DCK: variants seen among roughly 807,000 people sequenced by gnomAD.
DCK encodes the protein deoxyadenosine kinase.
In DCK, 23 loss-of-function variants were observed where a neutral mutation model predicts 38.3. The ratio of observed to expected loss-of-function variants is 0.60; its 90% CI spans 0.43 to 0.85. DCK has a LOEUF of 0.85. Among genes scored for constraint, DCK ranks in the 40% least tolerant of loss-of-function variants. The pLI, the probability that DCK is intolerant of heterozygous loss-of-function variation, is 0.00. For missense variants in DCK, 259 were observed against 304.4 expected, an observed-to-expected ratio of 0.85 and a Z score of 1.11; for synonymous variants, 108 against 100.6, an observed-to-expected ratio of 1.07 and a Z score of -0.44.
In DCK at chr4:71,029,486, C is replaced by G; in HGVS notation, c.*108C>G. 1.3e-6 allele frequency: 1 copy of G among 797,960 alleles called. No homozygotes were observed. Among genetic ancestry groups the G allele is most frequent in the South Asian group, 1.7e-5 (1 of 58,570 alleles). 49.4% of individuals were successfully genotyped at this position (797,960 alleles called of 1,614,324 possible). On this transcript the variant is annotated 3_prime_UTR_variant, in exon 7 of 7. Coordinates refer to ENST00000286648, the MANE Select transcript of DCK (RefSeq NM_000788.3). ...TCTTTAGAAAACCCAAGTTTTTAATCGTTTTTGTTTTAAGGAAAAAAGATT... is the reference window on the plus strand; with the variant it reads ...TCTTTAGAAAACCCAAGTTTTTAATGGTTTTTGTTTTAAGGAAAAAAGATT...
At chr4:70,999,702 A>T (rs1194969295) in intron 2 of DCK, among the ~76,000 whole-genome samples, 1 of 152,180 alleles carries the variant, frequency 6.6e-6, no homozygotes, top group Non-Finnish European at 1.5e-5. Flanking sequence ...TGACTTTTTA[A>T]TGATCACCAT....
chr4:71,023,424 T>C, intron 3 of DCK, 135 bp from the exon 4 acceptor site: 3 of 596,968 alleles, frequency 5.0e-6, no homozygotes, highest in Non-Finnish European at 8.5e-6. Flanking sequence ...ATGGAAAGAC[T>C]CTTGTCTTTT....
Position 71,022,449 on chromosome 4 carries a change from A to G in DCK, c.290A>G (p.Gln97Arg), listed in dbSNP as rs975883832. 6.2e-7 allele frequency: 1 copy of G among 1,611,136 alleles called. No individual in the cohort carries two copies. Among genetic ancestry groups the G allele is most frequent in the East Asian group, 2.2e-5 (1 of 44,782 alleles). ...EKPERWSFTF[Q>R]TYACLSRIRA... Reference sequence around the variant, plus strand: ...CCTGAACGATGGTCTTTTACCTTCCAAACATATGCCTGTCTCAGTCGAATA... The same window carrying G: ...CCTGAACGATGGTCTTTTACCTTCCGAACATATGCCTGTCTCAGTCGAATA... The change falls in exon 3 of 7, where the codon CAA (glutamine) becomes CGA (arginine). Residue 97 changes from glutamine (Q) to arginine (R), a missense_variant. Transcript: ENST00000286648.
At chr4:71,028,339 C>G (rs1671302958) in intron 6 of DCK, among the ~76,000 whole-genome samples, 1 of 152,156 alleles carries the variant, frequency 6.6e-6, no homozygotes, top group South Asian at 2.1e-4. Context: ...CACCTGTAAT[C>G]CCAGCACTTT....
intron 2 of DCK, among the ~76,000 whole-genome samples, chr4:70,999,712 T>C (rs2148912171): frequency 6.6e-6 from 1 of 152,344 alleles, no homozygotes; most frequent in East Asian, 1.9e-4. Context: ...ATGATCACCA[T>C]TCTAACTGGT....
chr4:71,014,396 G>A (rs1049333488), intron 2 of DCK, among the ~76,000 whole-genome samples: 1 of 152,122 alleles, frequency 6.6e-6, no homozygotes, highest in South Asian at 2.1e-4. Context: ...CAGGAATTGA[G>A]CTCAGCTCTG....
chr4:70,996,084 C>G (rs1000911536), intron 1 of DCK, among the ~76,000 whole-genome samples: 6 of 152,062 alleles, frequency 3.9e-5, no homozygotes, highest in Admixed American at 6.6e-5. Context: ...TGGATCACGC[C>G]TGTAGCTCCA....
intron 2 of DCK, among the ~76,000 whole-genome samples, chr4:71,016,401 A>G (rs1298263404): frequency 6.6e-6 from 1 of 152,178 alleles, no homozygotes; most frequent in Admixed American, 6.5e-5. Flanking sequence ...TCAAGCTACC[A>G]ATGACTTTCT....
rs66478827 is a variant in DCK at position 71,023,394 on chromosome 4, A to C, written c.402-165A>C. Among the ~76,000 whole-genome samples, 548 of 152,328 alleles carry C rather than the reference A, an allele frequency of 3.6e-3. 5 individuals carry two copies. The highest frequency in any genetic ancestry group is 0.013 in the African/African-American group (530 of 41,582). ...TGGGGTCCTCACTCCGTATTTTGAG[A>C]ACCATTGGCCAAAAACATGATGGAA... is the stretch of plus-strand genomic sequence containing the variant. On this transcript the variant is annotated intron_variant, in intron 3 of 6. Coordinates refer to ENST00000286648, the MANE Select transcript of DCK (RefSeq NM_000788.3).
chr4:70,993,693 C>A lies in DCK; in HGVS notation c.-143C>A. 1 of 588,254 alleles carries A rather than the reference C, an allele frequency of 1.7e-6. No individual in the cohort carries two copies. The highest frequency in any genetic ancestry group is 3.0e-6 in the Non-Finnish European group (1 of 336,294). The allele number at this position is 588,254 out of a possible 1,614,324, so 36.4% of individuals were successfully genotyped here. A position where few individuals can be genotyped will look rare whatever the true frequency, so the allele number is the denominator to read the frequency against. ...GCGCGCCAAAGTCAAACCCCGACAC[C>A]CGCCGGCGGGCCGGTGAGCTCACTA... On this transcript the variant is annotated 5_prime_UTR_variant, in exon 1 of 7. Transcript: ENST00000286648.
At position 71,014,485 on chromosome 4, in the gene DCK, C is replaced by T. The variant is rs570276514; in HGVS notation, c.208-7882C>T. ...ATATACATTCTTCTCAGCACCACAT[C>T]GCACTTATTCCAAAATTGACCACAT... On this transcript the variant is annotated intron_variant, in intron 2 of 6. Transcript: ENST00000286648. Among the ~76,000 whole-genome samples, 19 of 152,306 alleles carry T rather than the reference C, an allele frequency of 1.2e-4. No homozygotes were observed. In the South Asian group the frequency reaches 2.5e-3, roughly 20 times the overall value.
At position 71,011,019 on chromosome 4, in the gene DCK, C is replaced by T. The variant is rs143950401; in HGVS notation, c.208-11348C>T. Among the ~76,000 whole-genome samples the T allele has an allele frequency of 1.1e-4, 17 of 151,700 alleles. 1 individual carries two copies. Among genetic ancestry groups the T allele is most frequent in the African/African-American group, 3.9e-4 (16 of 41,396 alleles). On this transcript the variant is annotated intron_variant, in intron 2 of 6. Coordinates refer to ENST00000286648, the MANE Select transcript of DCK (RefSeq NM_000788.3). ...TGGTGTGATGTTGGCTCACTGCAACCTCTGCCTCCCAGGTTCAAGCGATTT... is the reference window on the plus strand; with the variant it reads ...TGGTGTGATGTTGGCTCACTGCAACTTCTGCCTCCCAGGTTCAAGCGATTT...
At position 70,993,812 on chromosome 4, in the gene DCK, T is replaced by G; in HGVS notation, c.-24T>G. The stretch of plus-strand genomic sequence containing the variant: ...TCCCAGCCCTCTTTGCCGGACGAGC[T>G]CTGGGCCGCCACAAGACTAAGGAAT... On this transcript the variant is annotated 5_prime_UTR_variant, in exon 1 of 7. Coordinates refer to ENST00000286648, the MANE Select transcript of DCK (RefSeq NM_000788.3). 1.3e-6 allele frequency: 2 copies of G among 1,584,336 alleles called. No homozygotes were observed. The highest frequency in any genetic ancestry group is 1.7e-6 in the Non-Finnish European group (2 of 1,155,392).
intron 2 of DCK, among the ~76,000 whole-genome samples, chr4:71,015,821 A>G (rs940726247): frequency 2.0e-5 from 3 of 152,344 alleles, no homozygotes; most frequent in African/African-American, 4.8e-5. Flanking sequence ...CCCACAGCCA[A>G]TATCACACTG....
chr4:71,011,312 T>C (rs1740085350), intron 2 of DCK, among the ~76,000 whole-genome samples: 1 of 150,424 alleles, frequency 6.6e-6, no homozygotes, highest in East Asian at 2.0e-4. Flanking sequence ...TAGTTAAGAA[T>C]GCTTGATAAA....
At chr4:71,005,021 C>G (rs546335988) in intron 2 of DCK, among the ~76,000 whole-genome samples, 2 of 152,166 alleles carry the variant, frequency 1.3e-5, no homozygotes, top group East Asian at 1.9e-4. Flanking sequence ...CCAGGCACCA[C>G]TGGGGTATGA....
chr4:71,009,964 T>A (rs760890521), intron 2 of DCK, among the ~76,000 whole-genome samples: 1 of 152,182 alleles, frequency 6.6e-6, no homozygotes, highest in Non-Finnish European at 1.5e-5. Context: ...TATTCAAATG[T>A]CAATTTTTCT....
Position 71,026,661 on chromosome 4 carries a change from A to C in DCK, c.666-4A>C. On this transcript the variant is annotated splice_polypyrimidine_tract_variant and splice_region_variant and intron_variant, in intron 5 of 6. Transcript: ENST00000286648. ...TTATTTTATTAATCTCTCTTTTTAA[A>C]CAGAACCAACTTCGATTATCTTCAA... is the stretch of plus-strand genomic sequence containing the variant. 1 of 1,439,966 alleles carries C rather than the reference A, an allele frequency of 6.9e-7. No homozygotes were observed. The highest frequency in any genetic ancestry group is 9.7e-7 in the Non-Finnish European group (1 of 1,035,898). 89.2% of individuals were successfully genotyped at this position (1,439,966 alleles called of 1,614,324 possible).
chr4:71,014,502 T>G (rs1238932684), intron 2 of DCK, among the ~76,000 whole-genome samples: 2 of 152,194 alleles, frequency 1.3e-5, no homozygotes, highest in Admixed American at 6.5e-5. Context: ...ATTCCAAAAT[T>G]GACCACATAG....
Sources: gnomAD v4.1 joint callset for allele counts (sites outside exome capture counted in the v4.1 genomes callset) on GRCh38, gnomAD v4.1.1 for gene constraint, MANE v1.5 for transcripts, NCBI Gene and HGNC (gene_info 2026-07-23, HGNC 2026-07-21) for gene names.